Variants in EIF4ENIF1 observed in about 807,000 individuals in gnomAD.
The protein encoded by EIF4ENIF1 is eukaryotic translation initiation factor 4E transporter.
EIF4ENIF1 carries 23 observed loss-of-function variants against 110.5 expected under a neutral mutation model. That is an observed-to-expected ratio of 0.21 (90% CI 0.15 to 0.29). The LOEUF (loss-of-function observed/expected upper bound fraction) is 0.29. Ranked by LOEUF, EIF4ENIF1 falls within the 10% of genes least tolerant of loss-of-function variation. The probability of loss-of-function intolerance (pLI) is 1.00; values close to 1 mark genes in which losing one functional copy is unlikely to be tolerated. For synonymous variants in EIF4ENIF1, 440 were observed against 437.0 expected, an observed-to-expected ratio of 1.01 and a Z score of -0.09; for missense variants, 1,031 against 1,221.1, an observed-to-expected ratio of 0.84 and a Z score of 2.32.
intron 2 of EIF4ENIF1, among the ~76,000 whole-genome samples, chr22:31,480,227 G>A (rs1164477800): frequency 6.6e-6 from 1 of 152,158 alleles, no homozygotes; most frequent in Non-Finnish European, 1.5e-5. Context: ...TAAAGAAAAT[G>A]TGTCAAGGCT....
At chr22:31,473,696 C>G (rs1206213337) in intron 2 of EIF4ENIF1, among the ~76,000 whole-genome samples, 1 of 152,154 alleles carries the variant, frequency 6.6e-6, no homozygotes, top group Non-Finnish European at 1.5e-5. Flanking sequence ...CCTTCACAGA[C>G]CGTCACTTCT....
chr22:31,475,510 A>C (rs964027841), intron 2 of EIF4ENIF1, among the ~76,000 whole-genome samples: 2 of 151,956 alleles, frequency 1.3e-5, no homozygotes, highest in African/African-American at 4.8e-5. Flanking sequence ...CCAGCACTAT[A>C]GGAGGCTGAG....
chr22:31,461,881 CCTTGAGTTA>C (rs1358299804), intron 6 of EIF4ENIF1: 1 of 152,182 alleles, frequency 6.6e-6, no homozygotes, highest in Non-Finnish European at 1.5e-5. Context: ...CCTTAAGTGT[CCTTGAGTTA>C]CTTAAGCCCT....
intron 2 of EIF4ENIF1, among the ~76,000 whole-genome samples, chr22:31,478,515 C>A (rs1373355410): frequency 6.9e-3 from 603 of 87,556 alleles, no homozygotes; most frequent in Admixed American, 8.2e-3. Flanking sequence ...GACTCTGTCT[C>A]AAAAAAAAAA....
chr22:31,442,424 T>A (rs2050330937), intron 16 of EIF4ENIF1, among the ~76,000 whole-genome samples: 1 of 152,094 alleles, frequency 6.6e-6, no homozygotes, highest in African/African-American at 2.4e-5. Flanking sequence ...ACCAACAGGA[T>A]TTCCTCCCCA....
intron 2 of EIF4ENIF1, among the ~76,000 whole-genome samples, chr22:31,485,890 T>C (rs989588132): frequency 1.3e-5 from 2 of 151,908 alleles, no homozygotes; most frequent in Non-Finnish European, 2.9e-5. Flanking sequence ...CCTAGGTGGG[T>C]GGATCACCTG....
At chr22:31,477,987 A>G (rs952122129) in intron 2 of EIF4ENIF1, among the ~76,000 whole-genome samples, 1 of 152,230 alleles carries the variant, frequency 6.6e-6, no homozygotes, top group African/African-American at 2.4e-5. Context: ...CACCTTCAAA[A>G]GATTTCCAAT....
intron 2 of EIF4ENIF1, among the ~76,000 whole-genome samples, chr22:31,485,002 TTTATTATAGTGCTAGGAACACATAA>T (rs2051965557): frequency 1.3e-5 from 2 of 152,200 alleles, no homozygotes. Context: ...AACTAACATA[TTTATTATAGTGCTAGGAACACATAA>T]TCATTTCAAG....
chr22:31,448,247 A>C lies in EIF4ENIF1; in HGVS notation c.1769-15T>G, dbSNP rs1172270432. 6.2e-7 allele frequency: 1 copy of C among 1,613,314 alleles called. No individual in the cohort carries two copies. Among genetic ancestry groups the C allele is most frequent in the Non-Finnish European group, 8.5e-7 (1 of 1,179,396 alleles). ...TGGTGTGAAACCTGTCGGGAAAGTTAGTCTCAGTGAGTACCAAGATGGTAT... is the reference window on the plus strand; with the variant it reads ...TGGTGTGAAACCTGTCGGGAAAGTTCGTCTCAGTGAGTACCAAGATGGTAT... On this transcript the variant is annotated splice_polypyrimidine_tract_variant and intron_variant, in intron 12 of 18. Coordinates refer to ENST00000330125, the MANE Select transcript of EIF4ENIF1 (RefSeq NM_019843.4).
intron 2 of EIF4ENIF1, among the ~76,000 whole-genome samples, chr22:31,486,836 T>G (rs1239532301): frequency 6.6e-6 from 1 of 152,102 alleles, no homozygotes; most frequent in Non-Finnish European, 1.5e-5. Flanking sequence ...ATCCCAGCAC[T>G]TTGGGAGGCC....
intron 9 of EIF4ENIF1, 91 bp from the exon 10 acceptor site, chr22:31,454,467 A>C (rs1171191320): frequency 2.7e-6 from 3 of 1,091,030 alleles, no homozygotes; most frequent in Non-Finnish European, 4.0e-6. Context: ...GATGAAAATA[A>C]TTTATTTCAA....
intron 4 of EIF4ENIF1, among the ~76,000 whole-genome samples, chr22:31,467,307 C>T (rs974571878): frequency 8.5e-5 from 13 of 152,114 alleles, no homozygotes; most frequent in African/African-American, 2.7e-4. Flanking sequence ...CTATCTTTTT[C>T]GTTTAGTTCC....
At chr22:31,446,889 A>T in intron 14 of EIF4ENIF1, 1 of 344,150 alleles carries the variant, frequency 2.9e-6, no homozygotes, top group Middle Eastern at 3.9e-4. Flanking sequence ...ATCGAAAAAG[A>T]GAAGAGTGAA....
intron 2 of EIF4ENIF1, 109 bp downstream of exon 2, chr22:31,488,514 T>C (rs1474100760): frequency 2.0e-6 from 3 of 1,466,784 alleles, no homozygotes; most frequent in Admixed American, 1.9e-5. Flanking sequence ...ATTTAGTCCA[T>C]GTAGTGAGTC....
chr22:31,441,618 T>G (rs539389232), intron 17 of EIF4ENIF1, among the ~76,000 whole-genome samples, 156 bp downstream of exon 17: 1 of 151,186 alleles, frequency 6.6e-6, no homozygotes, highest in Non-Finnish European at 1.5e-5. Context: ...ACTAGGGGAT[T>G]GACTGGATTG....
rs2051091444 is a variant in EIF4ENIF1 at position 31,464,067 on chromosome 22, T to C, written c.299-100A>G. Reference sequence around the variant, plus strand: ...TGACTGATGGGAGGAAGGGGATGGTTGGAAGAGAGTCACCACTAAAATTGG... The same window carrying C: ...TGACTGATGGGAGGAAGGGGATGGTCGGAAGAGAGTCACCACTAAAATTGG... On this transcript the variant is annotated intron_variant, in intron 4 of 18. Coordinates refer to ENST00000330125, the MANE Select transcript of EIF4ENIF1 (RefSeq NM_019843.4). 11 of 1,444,664 alleles carry C rather than the reference T, an allele frequency of 7.6e-6. No homozygotes were observed. The Admixed American group carries it at 1.8e-4, about 24-fold the overall frequency. 89.5% of individuals were successfully genotyped at this position (1,444,664 alleles called of 1,614,324 possible). A position where few individuals can be genotyped will look rare whatever the true frequency, so the allele number is the denominator to read the frequency against.
Position 31,442,946 on chromosome 22 carries a change from A to C in EIF4ENIF1, c.2206+16T>G, listed in dbSNP as rs2050350037. On this transcript the variant is annotated intron_variant, in intron 16 of 18. Transcript: ENST00000330125. Reference sequence around the variant, plus strand: ...ACATACTTTCTTGAGCAGTGCCCTTAACAGCTCTGCAGTACCTTCACTGGC... The same window carrying C: ...ACATACTTTCTTGAGCAGTGCCCTTCACAGCTCTGCAGTACCTTCACTGGC... 3 of 1,613,278 alleles carry C rather than the reference A, an allele frequency of 1.9e-6. No homozygotes were observed. The highest frequency in any genetic ancestry group is 1.7e-5 in the Admixed American group (1 of 59,836).
At chr22:31,443,249 CAG>C in intron 15 of EIF4ENIF1, 155 bp from the exon 16 acceptor site, 1 of 1,049,130 alleles carries the variant, frequency 9.5e-7, no homozygotes, top group Non-Finnish European at 1.3e-6. Context: ...GGAGGAAAAA[CAG>C]AATGGGGCAA....
intron 10 of EIF4ENIF1, chr22:31,453,489 C>T (rs73396299): frequency 0.018 from 4,182 of 227,552 alleles, 203 homozygotes; most frequent in African/African-American, 0.094. Flanking sequence ...GTTCTCTTGT[C>T]TTGGCCTCCC....
Sources: allele counts gnomAD v4.1 joint callset (sites outside exome capture counted in the v4.1 genomes callset), GRCh38; gene constraint gnomAD v4.1.1; transcripts MANE v1.5; gene names NCBI Gene and HGNC (gene_info 2026-07-23, HGNC 2026-07-21).